Variants in ITPKB observed in about 807,000 individuals in gnomAD.
The protein encoded by ITPKB is IP3 3-kinase B.
In ITPKB, 13 loss-of-function variants were observed where a neutral mutation model predicts 69.4. The ratio of observed to expected loss-of-function variants is 0.19; its 90% confidence interval spans 0.12 to 0.30. ITPKB has a LOEUF of 0.30. Ranked by LOEUF, ITPKB falls within the 10% of genes least tolerant of loss-of-function variation. The probability of loss-of-function intolerance (pLI) is 1.00; values close to 1 mark genes in which losing one functional copy is unlikely to be tolerated. For missense variants in ITPKB, 1,240 were observed against 1,250.5 expected, an observed-to-expected ratio of 0.99 and a Z score of 0.13; for synonymous variants, 584 against 513.7, an observed-to-expected ratio of 1.14 and a Z score of -1.85.
chr1:226,657,016 TTCA>T (rs1669305133), intron 2 of ITPKB: 1 of 152,246 alleles, frequency 6.6e-6, no homozygotes, highest in Non-Finnish European at 1.5e-5. Context: ...ACTAGGCACT[TTCA>T]GAGGGCCTGA....
Position 226,648,662 on chromosome 1 carries a change from C to A in ITPKB, c.2032+10G>T, listed in dbSNP as rs1479780087. On this transcript the variant is annotated intron_variant, in intron 3 of 7. Coordinates refer to ENST00000429204, the MANE Select transcript of ITPKB (RefSeq NM_002221.4). ...ACCATGCTGGGAAAGTCTGGGAGAG[C>A]TGTGTCTACCTGCGTGTCCTGCCAG... is the stretch of plus-strand genomic sequence containing the variant. 6.4e-7 allele frequency: 1 copy of A among 1,555,620 alleles called. No homozygotes were observed. Among genetic ancestry groups the A allele is most frequent in the Non-Finnish European group, 8.9e-7 (1 of 1,126,740 alleles).
intron 2 of ITPKB, among the ~76,000 whole-genome samples, chr1:226,649,509 A>G (rs1296602545): frequency 1.4e-5 from 2 of 144,354 alleles, no homozygotes; most frequent in Admixed American, 6.9e-5. Flanking sequence ...CATGCGTGAT[A>G]TGTGCATGTG....
intron 2 of ITPKB, among the ~76,000 whole-genome samples, chr1:226,679,782 C>T (rs1216434563): frequency 1.3e-5 from 2 of 152,178 alleles, no homozygotes; most frequent in Non-Finnish European, 2.9e-5. Flanking sequence ...ATGGACATGT[C>T]ACAGTTTAAA....
intron 2 of ITPKB, among the ~76,000 whole-genome samples, chr1:226,686,251 C>A (rs981972390): frequency 6.6e-6 from 1 of 152,192 alleles, no homozygotes; most frequent in African/African-American, 2.4e-5. Context: ...CAGTGAGGCT[C>A]TGGCTGGCTG....
chr1:226,719,293 C>T (rs937399643), intron 2 of ITPKB, among the ~76,000 whole-genome samples: 1 of 152,164 alleles, frequency 6.6e-6, no homozygotes, highest in Non-Finnish European at 1.5e-5. Context: ...AAAATTGAAT[C>T]TGAATCTCTG....
intron 5 of ITPKB, among the ~76,000 whole-genome samples, chr1:226,640,415 C>T (rs1003048240): frequency 3.3e-5 from 5 of 152,206 alleles, no homozygotes; most frequent in South Asian, 2.1e-4. Flanking sequence ...TGGCTGCCTT[C>T]GACAGGACTG....
chr1:226,716,595 G>C (rs577255694), intron 2 of ITPKB, among the ~76,000 whole-genome samples: 3 of 152,128 alleles, frequency 2.0e-5, no homozygotes, highest in Non-Finnish European at 4.4e-5. Context: ...CTCAGTGTGT[G>C]TTGTACTCAA....
intron 2 of ITPKB, among the ~76,000 whole-genome samples, chr1:226,723,461 C>T (rs962911062): frequency 3.3e-5 from 5 of 152,048 alleles, no homozygotes; most frequent in African/African-American, 1.2e-4. Flanking sequence ...GCACCAGATG[C>T]GGCACAGAGA....
intron 2 of ITPKB, chr1:226,707,444 G>A (rs866108573): frequency 3.7e-5 from 26 of 709,932 alleles, no homozygotes; most frequent in Middle Eastern, 7.5e-4. Flanking sequence ...TGATCCGCCC[G>A]CCTTGGCCTC....
intron 2 of ITPKB, among the ~76,000 whole-genome samples, chr1:226,690,097 T>C (rs987535410): frequency 2.0e-4 from 30 of 152,356 alleles, no homozygotes; most frequent in African/African-American, 7.0e-4. Context: ...TGTGTCTTTA[T>C]AATAAAATGA....
intron 2 of ITPKB, among the ~76,000 whole-genome samples, chr1:226,729,368 G>C (rs190493642): frequency 1.6e-3 from 247 of 151,300 alleles, no homozygotes; most frequent in African/African-American, 5.4e-3. Context: ...TGTAGTCCCA[G>C]CTATTCGGAA....
chr1:226,684,914 G>A (rs116707641), intron 2 of ITPKB, among the ~76,000 whole-genome samples: 10 of 152,074 alleles, frequency 6.6e-5, no homozygotes, highest in Non-Finnish European at 1.2e-4. Flanking sequence ...GCGCTCCACC[G>A]TTCACACCCC....
At chr1:226,678,161 C>A (rs1161372508) in intron 2 of ITPKB, among the ~76,000 whole-genome samples, 2 of 152,176 alleles carry the variant, frequency 1.3e-5, no homozygotes, top group African/African-American at 4.8e-5. Context: ...AAATACCAAA[C>A]CAGGACATGG....
chr1:226,719,011 G>A (rs1190818884), intron 2 of ITPKB, among the ~76,000 whole-genome samples: 3 of 152,152 alleles, frequency 2.0e-5, no homozygotes, highest in African/African-American at 4.8e-5. Flanking sequence ...ACGATGGCTC[G>A]TGCCTGTAAT....
chr1:226,705,505 G>A (rs1194224961), intron 2 of ITPKB, among the ~76,000 whole-genome samples: 1 of 149,312 alleles, frequency 6.7e-6, no homozygotes, highest in African/African-American at 2.5e-5. Context: ...TTCCAGCCTG[G>A]GCAACAAGAG....
chr1:226,671,252 A>G (rs1669612525), intron 2 of ITPKB, among the ~76,000 whole-genome samples: 1 of 152,204 alleles, frequency 6.6e-6, no homozygotes, highest in Non-Finnish European at 1.5e-5. Context: ...CCTTCCCAAT[A>G]TTCAAACAAC....
In ITPKB at chr1:226,639,668, A is replaced by G. The variant is rs182672721; in HGVS notation, c.2452-10T>C. 1.9e-5 allele frequency: 30 copies of G among 1,592,348 alleles called. No individual in the cohort carries two copies. The African/African-American group carries it at 3.4e-4, about 18-fold the overall frequency. On this transcript the variant is annotated splice_polypyrimidine_tract_variant and intron_variant, in intron 5 of 7. Coordinates refer to ENST00000429204, the MANE Select transcript of ITPKB (RefSeq NM_002221.4). ...CGGTGCCGTCTTCTTTCTGAGAAAGAGAACACCCCACCCAGGAGGGGGTCA... is the reference window on the plus strand; with the variant it reads ...CGGTGCCGTCTTCTTTCTGAGAAAGGGAACACCCCACCCAGGAGGGGGTCA...
chr1:226,720,693 C>T (rs1395373191), intron 2 of ITPKB, among the ~76,000 whole-genome samples: 1 of 152,186 alleles, frequency 6.6e-6, no homozygotes, highest in Non-Finnish European at 1.5e-5. Context: ...TACAGCCGTA[C>T]CACCTGTTAA....
Position 226,637,624 on chromosome 1 carries a change from A to G in ITPKB, c.2625+55T>C, listed in dbSNP as rs887738416. ...CCGGGCTTCTGGAAGGAGAAGGAGA[A>G]GGCCTGTTGGCACGCGCAGCATTCT... On this transcript the variant is annotated intron_variant, in intron 7 of 7. Transcript: ENST00000429204. This position sits in a 1 kb window ranked among gnomAD's most constrained non-coding sequence, Gnocchi z 4.3. The G allele has an allele frequency of 1.5e-4, 203 of 1,380,104 alleles. No homozygotes were observed. Among genetic ancestry groups the G allele is most frequent in the Non-Finnish European group, 2.0e-4 (194 of 970,774 alleles). 85.5% of individuals were successfully genotyped at this position (1,380,104 alleles called of 1,614,324 possible).
Sources: gnomAD v4.1 joint callset for allele counts (sites outside exome capture counted in the v4.1 genomes callset) on GRCh38, gnomAD v4.1.1 for gene constraint, Gnocchi (gnomAD v3.1) non-coding constraint, MANE v1.5 for transcripts, NCBI Gene and HGNC (gene_info 2026-07-23, HGNC 2026-07-21) for gene names.